Variants in SLC44A1 observed in about 807,000 individuals in gnomAD.
The protein encoded by SLC44A1 is solute carrier family 44 member 1, also known as choline transporter-like protein 1.
Under a neutral mutation model 79.3 loss-of-function variants are expected in SLC44A1, and 26 were observed. The ratio of observed to expected loss-of-function variants is 0.33; its 90% CI spans 0.24 to 0.46. The LOEUF (loss-of-function observed/expected upper bound fraction) is 0.46. Ranked by LOEUF, SLC44A1 falls within the 20% of genes least tolerant of loss-of-function variation. The pLI, the probability that SLC44A1 is intolerant of heterozygous loss-of-function variation, is 1.00. For synonymous variants in SLC44A1, 263 were observed against 286.2 expected, an observed-to-expected ratio of 0.92 and a Z score of 0.82; for missense variants, 688 against 798.1, an observed-to-expected ratio of 0.86 and a Z score of 1.66.
intron 6 of SLC44A1, 120 bp from the exon 7 acceptor site, chr9:105,358,224 A>G (rs533625604): frequency 3.3e-6 from 2 of 606,636 alleles, no homozygotes. Context: ...CCTTATCTAA[A>G]TTGTGGTCAA....
intron 15 of SLC44A1, among the ~76,000 whole-genome samples, chr9:105,417,000 A>T (rs564184250): frequency 6.6e-6 from 1 of 152,314 alleles, no homozygotes; most frequent in East Asian, 1.9e-4. Context: ...ATTACATTTG[A>T]CCTGTGTGCT....
At position 105,389,812 on chromosome 9, in the gene SLC44A1, T is replaced by C; in HGVS notation, c.*756T>C. ...GTCTTTCTTTCCTTTTTGACTTTAG[T>C]AGCATCCTCCACACATTTGTGTGCC... is the stretch of plus-strand genomic sequence containing the variant. On this transcript the variant is annotated 3_prime_UTR_variant, in exon 16 of 16. Coordinates refer to ENST00000374720, the MANE Select transcript of SLC44A1 (RefSeq NM_080546.5). 7.2e-7 allele frequency: 1 copy of C among 1,383,952 alleles called. No individual in the cohort carries two copies. The highest frequency in any genetic ancestry group is 9.4e-7 in the Non-Finnish European group (1 of 1,065,766). The allele number at this position is 1,383,952 out of a possible 1,614,324, so 85.7% of individuals were successfully genotyped here.
intron 3 of SLC44A1, among the ~76,000 whole-genome samples, chr9:105,328,233 G>A (rs952816769): frequency 6.6e-6 from 1 of 152,128 alleles, no homozygotes; most frequent in African/African-American, 2.4e-5. Context: ...TAGTGGTGGT[G>A]GTGGAAAATA....
chr9:105,307,172 C>G (rs1460226230), intron 2 of SLC44A1, among the ~76,000 whole-genome samples: 1 of 152,128 alleles, frequency 6.6e-6, no homozygotes, highest in African/African-American at 2.4e-5. Flanking sequence ...TAGTTCTCAT[C>G]ATTAGGCTGT....
intron 15 of SLC44A1, among the ~76,000 whole-genome samples, chr9:105,428,059 A>C (rs1228208365): frequency 6.6e-6 from 1 of 152,118 alleles, no homozygotes; most frequent in Non-Finnish European, 1.5e-5. Context: ...CGGTCATATT[A>C]GTAGCAAATC....
At chr9:105,421,037 C>G (rs936729311) in intron 15 of SLC44A1, among the ~76,000 whole-genome samples, 1 of 152,134 alleles carries the variant, frequency 6.6e-6, no homozygotes, top group African/African-American at 2.4e-5. Context: ...TAACAAATAT[C>G]CAGAGTTCCA....
At chr9:105,353,678 C>T (rs531392927) in intron 5 of SLC44A1, among the ~76,000 whole-genome samples, 2 of 151,842 alleles carry the variant, frequency 1.3e-5, no homozygotes, top group African/African-American at 2.4e-5. Context: ...AAGGCAGGGC[C>T]GAGAAAAATA....
intron 3 of SLC44A1, among the ~76,000 whole-genome samples, chr9:105,311,495 A>T (rs1459229007): frequency 6.6e-6 from 1 of 152,120 alleles, no homozygotes; most frequent in Non-Finnish European, 1.5e-5. Context: ...GCTACTCTTC[A>T]TGTTTAACCT....
chr9:105,431,254 ATATG>A (rs1829389448), intron 15 of SLC44A1, among the ~76,000 whole-genome samples: 1 of 152,224 alleles, frequency 6.6e-6, no homozygotes, highest in Admixed American at 6.5e-5. Context: ...ATGTAGGTGT[ATATG>A]TATGATATAT....
intron 15 of SLC44A1, among the ~76,000 whole-genome samples, chr9:105,410,735 C>CA (rs1303658800): frequency 2.6e-5 from 4 of 152,150 alleles, no homozygotes; most frequent in Non-Finnish European, 5.9e-5. Context: ...AACTTGCTCA[C>CA]AAATGTTCAT....
rs143546861 is a variant in SLC44A1, at chr9:105,250,105, G to A, written c.36+5201G>A. On this transcript the variant is annotated intron_variant, in intron 1 of 15. Coordinates refer to ENST00000374720, the MANE Select transcript of SLC44A1 (RefSeq NM_080546.5). ...TGCCTAGGCTGGTCTCAAACTCCCG[G>A]GTTCAAACTATGCTCCTGCCTTGGC... is the stretch of plus-strand genomic sequence containing the variant. 7.3e-3 allele frequency among the ~76,000 whole-genome samples: 1,100 copies of A among 151,622 alleles called. 9 individuals are homozygous for A. The highest frequency in any genetic ancestry group is 0.025 in the African/African-American group (1,041 of 41,324).
chr9:105,387,054 A>AT (rs1288535198), intron 15 of SLC44A1, among the ~76,000 whole-genome samples: 2 of 1,822 alleles, frequency 1.1e-3, no homozygotes, highest in African/African-American at 1.5e-3. Flanking sequence ...AAAAAAAAAA[A>AT]AAAAAAATAT....
rs1015468416 is a variant in SLC44A1 at position 105,391,156 on chromosome 9, C to G, written c.*2100C>G. 3.0e-6 allele frequency: 3 copies of G among 985,536 alleles called. No individual in the cohort carries two copies. Among genetic ancestry groups the G allele is most frequent in the Admixed American group, 6.2e-5 (1 of 16,254 alleles). The allele number at this position is 985,536 out of a possible 1,614,324, so 61.0% of individuals were successfully genotyped here. ...TTAAGAGGTGTCCCTCCAAAGTGACCTGATGGAAGTCCTGAACTTGGAAAT... is the reference window on the plus strand; with the variant it reads ...TTAAGAGGTGTCCCTCCAAAGTGACGTGATGGAAGTCCTGAACTTGGAAAT... On this transcript the variant is annotated 3_prime_UTR_variant, in exon 16 of 16. Transcript: ENST00000374720.
At chr9:105,432,441 CA>C (rs1168248097) in intron 15 of SLC44A1, among the ~76,000 whole-genome samples, 1 of 152,154 alleles carries the variant, frequency 6.6e-6, no homozygotes, top group East Asian at 1.9e-4. Context: ...AAGATATCTG[CA>C]GGATTGCATT....
Position 105,302,160 on chromosome 9 carries a change from A to G in SLC44A1, c.126+2851A>G, listed in dbSNP as rs370298880. Among the ~76,000 whole-genome samples the G allele has an allele frequency of 9.2e-5, 14 of 152,292 alleles. No homozygotes were observed. The South Asian group carries it at 1.9e-3, about 20-fold the overall frequency. On this transcript the variant is annotated intron_variant, in intron 2 of 15. Transcript: ENST00000374720. ...GTTGCTGTCAGCCTTCTTAAGTTCT[A>G]TCTTCTACATTTGAACTTTCATCAC...
intron 5 of SLC44A1, among the ~76,000 whole-genome samples, chr9:105,355,331 TAA>T (rs1383486662): frequency 6.6e-6 from 1 of 152,236 alleles, no homozygotes; most frequent in African/African-American, 2.4e-5. Flanking sequence ...CTTTCACAAG[TAA>T]AAGTTTCAGT....
intron 13 of SLC44A1, among the ~76,000 whole-genome samples, chr9:105,376,168 A>G (rs1828276111): frequency 6.6e-6 from 1 of 152,174 alleles, no homozygotes; most frequent in African/African-American, 2.4e-5. Context: ...AAGTATATAT[A>G]GCATTGTGTG....
At chr9:105,320,403 T>C (rs1044028379) in intron 3 of SLC44A1, among the ~76,000 whole-genome samples, 1 of 151,812 alleles carries the variant, frequency 6.6e-6, no homozygotes, top group African/African-American at 2.4e-5. Context: ...AGCATTGAGA[T>C]TGCAGAGTCA....
chr9:105,405,289 C>T (rs986931677), intron 15 of SLC44A1, among the ~76,000 whole-genome samples: 5 of 151,154 alleles, frequency 3.3e-5, no homozygotes, highest in Non-Finnish European at 5.9e-5. Flanking sequence ...CCACTGCACT[C>T]CAGCCTGGGC....
Sources: gnomAD v4.1 joint callset for allele counts (sites outside exome capture counted in the v4.1 genomes callset) on GRCh38, gnomAD v4.1.1 for gene constraint, MANE v1.5 for transcripts, NCBI Gene and HGNC (gene_info 2026-07-23, HGNC 2026-07-21) for gene names.